Variants in EXOC6B observed in about 807,000 individuals in gnomAD.
EXOC6B encodes exocyst complex component 6B.
Under a neutral mutation model 113.5 loss-of-function variants are expected in EXOC6B, and 54 were observed. The observed-to-expected ratio is 0.48, with a 90% CI of 0.38 to 0.60. EXOC6B has a LOEUF of 0.60. Among genes scored for constraint, EXOC6B ranks in the 20% least tolerant of loss-of-function variants. The probability of loss-of-function intolerance (pLI) is 0.00; values close to 1 mark genes in which losing one functional copy is unlikely to be tolerated. For synonymous variants in EXOC6B, 357 were observed against 339.0 expected, an observed-to-expected ratio of 1.05 and a Z score of -0.58; for missense variants, 797 against 977.5, an observed-to-expected ratio of 0.82 and a Z score of 2.46.
intron 20 of EXOC6B, among the ~76,000 whole-genome samples, chr2:72,200,648 C>T (rs1453467120): frequency 6.6e-6 from 1 of 152,180 alleles, no homozygotes; most frequent in Non-Finnish European, 1.5e-5. Context: ...AGATTCATTA[C>T]AGCAAAGCTA....
intron 6 of EXOC6B, among the ~76,000 whole-genome samples, chr2:72,584,996 A>G (rs1705462058): frequency 6.6e-6 from 1 of 152,188 alleles, no homozygotes; most frequent in Non-Finnish European, 1.5e-5. Context: ...GATATCTGGG[A>G]TGCAACAAAA....
At chr2:72,606,355 C>T (rs1159306757) in intron 6 of EXOC6B, among the ~76,000 whole-genome samples, 3 of 152,032 alleles carry the variant, frequency 2.0e-5, no homozygotes, top group Admixed American at 1.3e-4. Context: ...TACACACACA[C>T]ATACAATATT....
At chr2:72,352,136 A>T (rs1396073718) in intron 19 of EXOC6B, among the ~76,000 whole-genome samples, 1 of 152,192 alleles carries the variant, frequency 6.6e-6, no homozygotes, top group Non-Finnish European at 1.5e-5. Flanking sequence ...TACTGAAAAA[A>T]TTCTAAAAGG....
intron 1 of EXOC6B, among the ~76,000 whole-genome samples, chr2:72,790,260 T>A (rs993524103): frequency 6.6e-6 from 1 of 152,150 alleles, no homozygotes; most frequent in Admixed American, 6.6e-5. Flanking sequence ...AAATACTGAA[T>A]ACAATCACAT....
intron 8 of EXOC6B, among the ~76,000 whole-genome samples, chr2:72,529,958 G>C (rs1447238227): frequency 6.6e-6 from 1 of 152,050 alleles, no homozygotes; most frequent in Non-Finnish European, 1.5e-5. Context: ...TATCAATAGT[G>C]TCTCTATTGA....
chr2:72,803,434 A>T (rs959178889), intron 1 of EXOC6B, among the ~76,000 whole-genome samples: 5 of 152,204 alleles, frequency 3.3e-5, no homozygotes, highest in Non-Finnish European at 5.9e-5. Flanking sequence ...TATTAACTGG[A>T]TCTAAGCATT....
intron 1 of EXOC6B, among the ~76,000 whole-genome samples, chr2:72,765,666 C>T (rs1219028980): frequency 1.3e-5 from 2 of 151,976 alleles, no homozygotes; most frequent in African/African-American, 4.8e-5. Flanking sequence ...CAGCAAGACT[C>T]CATCTCAAAA....
At chr2:72,680,081 T>C (rs1456631957) in intron 6 of EXOC6B, among the ~76,000 whole-genome samples, 1 of 152,088 alleles carries the variant, frequency 6.6e-6, no homozygotes, top group African/African-American at 2.4e-5. Context: ...TTTAGGAAAA[T>C]ATATATGGAT....
rs539323983 is a variant in EXOC6B, at chr2:72,235,099, T to C, written c.2197-50912A>G. Among the ~76,000 whole-genome samples, 5 of 152,312 alleles carry C rather than the reference T, an allele frequency of 3.3e-5. No homozygotes were observed. In the South Asian group the frequency reaches 1.0e-3, roughly 32 times the overall value. On this transcript the variant is annotated intron_variant, in intron 20 of 21. Coordinates refer to ENST00000272427, the MANE Select transcript of EXOC6B (RefSeq NM_015189.3). Reference sequence around the variant, plus strand: ...CCTACCATAAAGATGCAAGCATGTGTATGTTCATTGCAGCACTATTCACAA... The same window carrying C: ...CCTACCATAAAGATGCAAGCATGTGCATGTTCATTGCAGCACTATTCACAA...
intron 18 of EXOC6B, chr2:72,464,637 A>C (rs1697922632): frequency 6.5e-6 from 1 of 152,762 alleles, no homozygotes; most frequent in Non-Finnish European, 1.5e-5. Flanking sequence ...ATATCACTGA[A>C]AACCAAGAGA....
chr2:72,694,605 C>T (rs1454175875), intron 6 of EXOC6B, among the ~76,000 whole-genome samples: 1 of 152,086 alleles, frequency 6.6e-6, no homozygotes, highest in Non-Finnish European at 1.5e-5. Flanking sequence ...ACATGTAATA[C>T]TATTATTTCC....
chr2:72,693,260 A>G (rs1217126974), intron 6 of EXOC6B, among the ~76,000 whole-genome samples: 1 of 152,018 alleles, frequency 6.6e-6, no homozygotes, highest in African/African-American at 2.4e-5. Context: ...GAAAACTAGA[A>G]TATCTCCATA....
At chr2:72,272,378 T>C (rs1011614194) in intron 20 of EXOC6B, among the ~76,000 whole-genome samples, 1 of 152,128 alleles carries the variant, frequency 6.6e-6, no homozygotes, top group Non-Finnish European at 1.5e-5. Context: ...AATCCAATTA[T>C]GGTAATTCAT....
At chr2:72,410,831 G>GA (rs201048332) in intron 18 of EXOC6B, among the ~76,000 whole-genome samples, 3 of 151,194 alleles carry the variant, frequency 2.0e-5, no homozygotes, top group Non-Finnish European at 3.0e-5. Flanking sequence ...ACACTACTAA[G>GA]AAAAAAAAAT....
At chr2:72,316,511 A>G (rs1263021351) in intron 20 of EXOC6B, among the ~76,000 whole-genome samples, 1 of 152,218 alleles carries the variant, frequency 6.6e-6, no homozygotes, top group Non-Finnish European at 1.5e-5. Flanking sequence ...TAAACTGATA[A>G]TGAAGAGCAA....
chr2:72,513,103 T>A, intron 11 of EXOC6B, 29 bp downstream of exon 11: 9 of 1,610,946 alleles, frequency 5.6e-6, no homozygotes, highest in Non-Finnish European at 7.6e-6. Flanking sequence ...CAGCTCTAAA[T>A]AACAACTTCC....
intron 6 of EXOC6B, among the ~76,000 whole-genome samples, chr2:72,665,686 T>C (rs999900175): frequency 7.9e-5 from 12 of 151,930 alleles, no homozygotes; most frequent in African/African-American, 2.9e-4. Flanking sequence ...TTAAAAGAGG[T>C]GTTTAACAAA....
intron 16 of EXOC6B, among the ~76,000 whole-genome samples, chr2:72,491,590 G>A (rs1377007621): frequency 2.6e-5 from 4 of 152,094 alleles, no homozygotes; most frequent in Non-Finnish European, 4.4e-5. Flanking sequence ...AAAACAGATT[G>A]AGGTTACTAC....
At chr2:72,484,253 G>A (rs1045057325) in intron 16 of EXOC6B, among the ~76,000 whole-genome samples, 1 of 151,120 alleles carries the variant, frequency 6.6e-6, no homozygotes, top group African/African-American at 2.4e-5. Flanking sequence ...CTATTGACCC[G>A]TACTCTTAAA....
Sources: allele counts gnomAD v4.1 joint callset (sites outside exome capture counted in the v4.1 genomes callset), GRCh38; gene constraint gnomAD v4.1.1; transcripts MANE v1.5; gene names NCBI Gene and HGNC (gene_info 2026-07-23, HGNC 2026-07-21).